SLC15A2: variants seen among roughly 807,000 people sequenced by gnomAD.
SLC15A2 encodes the protein solute carrier family 15 member 2.
A neutral mutation model predicts 95.5 loss-of-function variants in SLC15A2; 77 were observed. The ratio of observed to expected loss-of-function variants is 0.81; its 90% CI spans 0.67 to 0.97. The LOEUF (loss-of-function observed/expected upper bound fraction) is 0.97, where lower values mean the gene tolerates loss of function less well. SLC15A2 is among the 50% of genes least tolerant of loss of function. SLC15A2 has a pLI of 0.00. For missense variants in SLC15A2, 893 were observed against 874.4 expected (o/e 1.02, Z -0.27); for synonymous variants, 306 against 306.9 (o/e 1.00, Z 0.03).
In SLC15A2 at chr3:121,941,531, G is replaced by A. The variant is rs946466056; in HGVS notation, c.*524G>A. ...CAGGGCCTGGCTTGTCAGCTCTCTA[G>A]GTTTGATATGACTTTAGTAAATTTG... On this transcript the variant is annotated 3_prime_UTR_variant, in exon 22 of 22. Coordinates refer to ENST00000489711, the MANE Select transcript of SLC15A2 (RefSeq NM_021082.4). 1.3e-5 allele frequency: 2 copies of A among 152,176 alleles called. No homozygotes were observed. The highest frequency in any genetic ancestry group is 2.9e-5 in the Non-Finnish European group (2 of 68,054). The allele number at this position is 152,176 out of a possible 1,614,324, so 9.4% of individuals were successfully genotyped here. A position where few individuals can be genotyped will look rare whatever the true frequency, so the allele number is the denominator to read the frequency against.
chr3:121,911,810 G>C, intron 4 of SLC15A2, 144 bp downstream of exon 4: 1 of 638,434 alleles, frequency 1.6e-6, no homozygotes, highest in Non-Finnish European at 2.8e-6. Context: ...CTTATGACCA[G>C]TTGAACTCTT....
At chr3:121,933,577 T>C (rs1264778358) in intron 19 of SLC15A2, among the ~76,000 whole-genome samples, 5 of 151,404 alleles carry the variant, frequency 3.3e-5, no homozygotes, top group Admixed American at 3.3e-4. Flanking sequence ...GAAGTGTCTG[T>C]TCATGTCCTT....
intron 3 of SLC15A2, among the ~76,000 whole-genome samples, chr3:121,905,505 T>C (rs1709618873): frequency 6.6e-6 from 1 of 152,252 alleles, no homozygotes; most frequent in Admixed American, 6.5e-5. Context: ...AGTTTCCCTC[T>C]ACACACTGCT....
Position 121,896,449 on chromosome 3 carries a change from T to C in SLC15A2, c.149T>C (p.Val50Ala). 3 of 1,614,156 alleles carry C rather than the reference T, an allele frequency of 1.9e-6. No homozygotes were observed. The highest frequency in any genetic ancestry group is 2.5e-6 in the Non-Finnish European group (3 of 1,179,994). ...SNYPLSIAFI[V>A]VNEFCERFSY... The stretch of plus-strand genomic sequence containing the variant: ...TATCCACTGAGCATTGCCTTCATTG[T>C]GGTGAATGAATTCTGCGAGCGCTTT... The change falls in exon 2 of 22, where the codon GTG becomes GCG. Residue 50 changes from valine to alanine, a missense_variant. Physicochemically the swap from Val to Ala is moderately conservative, Grantham distance 64 (BLOSUM62 0). Transcript: ENST00000489711.
chr3:121,896,483 T>C lies in SLC15A2; in HGVS notation c.183T>C (p.Tyr61=), dbSNP rs1375129659. 3.1e-6 allele frequency: 5 copies of C among 1,613,898 alleles called. No individual in the cohort carries two copies. The highest frequency in any genetic ancestry group is 1.7e-6 in the Non-Finnish European group (2 of 1,179,770). Residue 61 remains tyrosine, a synonymous_variant, in exon 2 of 22, where the codon TAT becomes TAC. Transcript: ENST00000489711. Reference sequence around the variant, plus strand: ...AATTCTGCGAGCGCTTTTCCTATTATGGAATGAAAGGTAATTTTGTGTCCA... The same window carrying C: ...AATTCTGCGAGCGCTTTTCCTATTACGGAATGAAAGGTAATTTTGTGTCCA... ...VNEFCERFSY[Y]GMKAVLILYF... is the part of the protein sequence containing the mutation.
At position 121,904,823 on chromosome 3, in the gene SLC15A2, G is replaced by A. The variant is rs149626431; in HGVS notation, c.336-6751G>A. Among the ~76,000 whole-genome samples, 1,407 of 152,230 alleles carry A rather than the reference G, an allele frequency of 9.2e-3. 12 individuals carry two copies. Among genetic ancestry groups the A allele is most frequent in the Non-Finnish European group, 0.014 (955 of 67,988 alleles). ...TGGTCTAAAATTCTCTTTCTTTGTT[G>A]TCTCTGCCAGGCTTTCATATCAGGA... On this transcript the variant is annotated intron_variant, in intron 3 of 21. Transcript: ENST00000489711.
In SLC15A2 at chr3:121,929,331, T is replaced by G; in HGVS notation, c.1536T>G (p.Asn512Lys). ...MVKDTESRTT[N>K]GMTTVRFVNT... Reference sequence around the variant, plus strand: ...AGGATACAGAAAGCAGAACAACCAATGGGATGACAACCGTGAGGTTTGAAT... The same window carrying G: ...AGGATACAGAAAGCAGAACAACCAAGGGGATGACAACCGTGAGGTTTGAAT... Residue 512 changes from asparagine (N) to lysine (K), a missense_variant, in exon 17 of 22, where the codon AAT becomes AAG. Coordinates refer to ENST00000489711, the MANE Select transcript of SLC15A2 (RefSeq NM_021082.4). The G allele has an allele frequency of 6.2e-7, 1 of 1,613,952 alleles. No individual in the cohort carries two copies. Among genetic ancestry groups the G allele is most frequent in the Non-Finnish European group, 8.5e-7 (1 of 1,179,870 alleles).
rs753436273 is a variant in SLC15A2, at chr3:121,929,107, T to C, written c.1467T>C (p.Leu489=). 11 of 1,613,798 alleles carry C rather than the reference T, an allele frequency of 6.8e-6. No homozygotes were observed. The highest frequency in any genetic ancestry group is 9.3e-6 in the Non-Finnish European group (11 of 1,179,850). The part of the protein sequence containing the change: ...HSVQEKNWYS[L]VIREDGNSIS... ...TGCAGGAGAAGAACTGGTACAGTCT[T>C]GTCATTCGTGAAGATGGGAACAGTA... Residue 489 remains leucine (L), a synonymous_variant, in exon 16 of 22, where the codon CTT becomes CTC. Coordinates refer to ENST00000489711, the MANE Select transcript of SLC15A2 (RefSeq NM_021082.4).
At chr3:121,911,480 T>G in intron 3 of SLC15A2, 94 bp from the exon 4 acceptor site, 2 of 771,026 alleles carry the variant, frequency 2.6e-6, no homozygotes, top group Non-Finnish European at 4.5e-6. Context: ...CTCCTCCATT[T>G]ATCCCCACAC....
In SLC15A2 at chr3:121,927,857, T is replaced by C; in HGVS notation, c.1206+18T>C. On this transcript the variant is annotated intron_variant, in intron 14 of 21. Transcript: ENST00000489711. ...AAATAAATGTGAGTTCAGTAATTCTTAAGCTCTATGAGGGCAGGATCATAT... is the reference window on the plus strand; with the variant it reads ...AAATAAATGTGAGTTCAGTAATTCTCAAGCTCTATGAGGGCAGGATCATAT... 5 of 1,578,358 alleles carry C rather than the reference T, an allele frequency of 3.2e-6. No individual in the cohort carries two copies. The highest frequency in any genetic ancestry group is 4.4e-6 in the Non-Finnish European group (5 of 1,147,292).
chr3:121,896,027 G>T (rs1223056797), intron 1 of SLC15A2, among the ~76,000 whole-genome samples: 2 of 152,140 alleles, frequency 1.3e-5, no homozygotes, highest in Admixed American at 1.3e-4. Flanking sequence ...GAATCTCACT[G>T]CTTGGATATC....
rs1424807442 is a variant in SLC15A2, at chr3:121,894,427, GC to G, written c.-48del. The G allele has an allele frequency of 3.4e-6, 5 of 1,465,544 alleles. No homozygotes were observed. The Admixed American group carries it at 8.9e-5, about 26-fold the overall frequency. The allele number at this position is 1,465,544 out of a possible 1,614,324, so 90.8% of individuals were successfully genotyped here. Reference sequence around the variant, plus strand: ...GAGTAGGCTGGCAGCTGTCCTAACTGCCTACTAAAGCCAAATGCTTGAGGAG... The same window carrying G: ...GAGTAGGCTGGCAGCTGTCCTAACTGCTACTAAAGCCAAATGCTTGAGGAG... On this transcript the variant is annotated 5_prime_UTR_variant, in exon 1 of 22. Coordinates refer to ENST00000489711, the MANE Select transcript of SLC15A2 (RefSeq NM_021082.4).
chr3:121,914,989 A>G (rs1380616818), intron 5 of SLC15A2: 1 of 1,266,668 alleles, frequency 7.9e-7, no homozygotes, highest in Admixed American at 2.8e-5. Flanking sequence ...GATTATTTTT[A>G]ACCTATGAAA....
At chr3:121,896,350 T>C (rs779361612) in intron 1 of SLC15A2, 56 bp from the exon 2 acceptor site, 71 of 1,368,640 alleles carry the variant, frequency 5.2e-5, no homozygotes, top group Non-Finnish European at 6.9e-5. Context: ...AGAAATCTAA[T>C]TGTTGAAACA....
intron 4 of SLC15A2, 45 bp from the exon 5 acceptor site, chr3:121,912,976 G>A (rs935955911): frequency 1.5e-6 from 2 of 1,368,890 alleles, no homozygotes; most frequent in Non-Finnish European, 1.0e-6. Context: ...CTCTACAGGT[G>A]CATTTAGTAT....
In SLC15A2 at chr3:121,915,788, C is replaced by T. The variant is rs1709883586; in HGVS notation, c.697+95C>T. On this transcript the variant is annotated intron_variant, in intron 7 of 21. Transcript: ENST00000489711. ...CTTTACACAAGCTGTTTCATTCAAT[C>T]CTCACACCAGGCCTATTGGGTAACT... 2.1e-5 allele frequency: 18 copies of T among 864,110 alleles called. No homozygotes were observed. In the South Asian group the frequency reaches 2.5e-4, roughly 12 times the overall value. 53.5% of individuals were successfully genotyped at this position (864,110 alleles called of 1,614,324 possible).
At position 121,939,590 on chromosome 3, in the gene SLC15A2, T is replaced by C. The variant is rs1710419942; in HGVS notation, c.1908+95T>C. ...CTGACTTAAATAGGTATGTTATCTC[T>C]TTTGGCCTTGGGTACCTTATTTATG... On this transcript the variant is annotated intron_variant, in intron 20 of 21. Coordinates refer to ENST00000489711, the MANE Select transcript of SLC15A2 (RefSeq NM_021082.4). 2.6e-6 allele frequency: 3 copies of C among 1,145,598 alleles called. No individual in the cohort carries two copies. In the South Asian group the frequency reaches 6.2e-5, roughly 24 times the overall value. The allele number at this position is 1,145,598 out of a possible 1,614,324, so 71.0% of individuals were successfully genotyped here.
At chr3:121,936,975 C>G (rs1486910408) in intron 19 of SLC15A2, among the ~76,000 whole-genome samples, 1 of 151,838 alleles carries the variant, frequency 6.6e-6, no homozygotes, top group Non-Finnish European at 1.5e-5. Context: ...GACAAAATCT[C>G]TCAGCATTTG....
intron 17 of SLC15A2, among the ~76,000 whole-genome samples, chr3:121,930,405 A>T (rs576227070): frequency 6.6e-6 from 1 of 152,224 alleles, no homozygotes; most frequent in Non-Finnish European, 1.5e-5. Flanking sequence ...AGAGGATAAG[A>T]TATCAGTTTT....
Sources: gnomAD v4.1 joint callset for allele counts (sites outside exome capture counted in the v4.1 genomes callset) on GRCh38, gnomAD v4.1.1 for gene constraint, MANE v1.5 for transcripts, NCBI Gene and HGNC (gene_info 2026-07-23, HGNC 2026-07-21) for gene names.